SUSD3: variants seen among roughly 807,000 people sequenced by gnomAD.
SUSD3 encodes the protein sushi domain containing 3, also known as sushi domain-containing protein 3.
A neutral mutation model predicts 20.6 loss-of-function variants in SUSD3; 18 were observed. The ratio of observed to expected loss-of-function variants is 0.87; its 90% confidence interval spans 0.60 to 1.30. SUSD3 has a LOEUF of 1.30. Ranked by LOEUF, SUSD3 falls within the 50% of genes most tolerant of loss-of-function variation. SUSD3 has a pLI of 0.00. For missense variants in SUSD3, 306 were observed against 346.9 expected (o/e 0.88, Z 0.94); for synonymous variants, 137 against 141.5 (o/e 0.97, Z 0.23).
At chr9:93,067,706 T>C (rs936671927) in intron 1 of SUSD3, among the ~76,000 whole-genome samples, 1 of 151,852 alleles carries the variant, frequency 6.6e-6, no homozygotes, top group African/African-American at 2.4e-5. Context: ...CAAGTGATAC[T>C]CCTGCCTCAG....
At chr9:93,077,759 C>G in intron 2 of SUSD3, 87 bp from the exon 3 acceptor site, 1 of 1,485,266 alleles carries the variant, frequency 6.7e-7, no homozygotes, top group Non-Finnish European at 9.2e-7. Context: ...CCAGGCCCTA[C>G]CCGTACCACC....
At chr9:93,068,120 A>C (rs1254868727) in intron 1 of SUSD3, among the ~76,000 whole-genome samples, 2 of 152,190 alleles carry the variant, frequency 1.3e-5, no homozygotes, top group African/African-American at 4.8e-5. Flanking sequence ...CTCTTATCAG[A>C]TACATGATTT....
At chr9:93,064,595 C>T (rs1252389521) in intron 1 of SUSD3, among the ~76,000 whole-genome samples, 1 of 152,212 alleles carries the variant, frequency 6.6e-6, no homozygotes, top group African/African-American at 2.4e-5. Context: ...CTTGGTCGAC[C>T]TCAGACATAG....
At position 93,084,760 on chromosome 9, in the gene SUSD3, G is replaced by T. The variant is rs369933817; in HGVS notation, c.*13G>T. On this transcript the variant is annotated 3_prime_UTR_variant, in exon 5 of 5. Coordinates refer to ENST00000375472, the MANE Select transcript of SUSD3 (RefSeq NM_145006.4). ...TGCCCTAGGGTGACCACGCAGTGAG[G>T]CTGGTGCCCATGCTCCACACTGGGA... The T allele has an allele frequency of 1.0e-5, 15 of 1,473,088 alleles. No homozygotes were observed. The South Asian group carries it at 1.2e-4, about 12-fold the overall frequency. 91.3% of individuals were successfully genotyped at this position (1,473,088 alleles called of 1,614,324 possible). A position where few individuals can be genotyped will look rare whatever the true frequency, so the allele number is the denominator to read the frequency against.
At chr9:93,062,665 C>T (rs1005580748) in intron 1 of SUSD3, among the ~76,000 whole-genome samples, 1 of 152,080 alleles carries the variant, frequency 6.6e-6, no homozygotes, top group African/African-American at 2.4e-5. Flanking sequence ...GGATCTGCCT[C>T]TCATGCATCA....
chr9:93,061,360 G>C (rs187935711), intron 1 of SUSD3, among the ~76,000 whole-genome samples: 1 of 152,398 alleles, frequency 6.6e-6, no homozygotes, highest in Admixed American at 6.5e-5. Flanking sequence ...CACACCCTGT[G>C]ATGCCTGGCT....
At position 93,079,581 on chromosome 9, in the gene SUSD3, A is replaced by G; in HGVS notation, c.536A>G (p.His179Arg). The change falls in exon 4 of 5, where the codon CAC (histidine) becomes CGC (arginine). Residue 179 changes from histidine (H) to arginine (R), a missense_variant. His to Arg is a conservative substitution (Grantham distance 29). Coordinates refer to ENST00000375472, the MANE Select transcript of SUSD3 (RefSeq NM_145006.4). The stretch of plus-strand genomic sequence containing the variant: ...CCCGTGAGCGGGCCCAGCCAGGCGC[A>G]CGACAACCACAGCTTCACCACGTGA... ...NKPVSGPSQA[H>R]DNHSFTTDHG... 6.2e-7 allele frequency: 1 copy of G among 1,613,926 alleles called. No homozygotes were observed.
chr9:93,059,262 C>T (rs1368619437), intron 1 of SUSD3, among the ~76,000 whole-genome samples: 1 of 152,164 alleles, frequency 6.6e-6, no homozygotes, highest in Non-Finnish European at 1.5e-5. Context: ...GAGGTGTCAT[C>T]TTCACGATTC....
intron 1 of SUSD3, among the ~76,000 whole-genome samples, chr9:93,063,373 C>T (rs1188165171): frequency 2.0e-5 from 3 of 152,158 alleles, no homozygotes; most frequent in Non-Finnish European, 4.4e-5. Flanking sequence ...CCCAGGCGGG[C>T]AAGTCACCAG....
chr9:93,063,556 T>C (rs918574227), intron 1 of SUSD3, among the ~76,000 whole-genome samples: 2 of 152,172 alleles, frequency 1.3e-5, no homozygotes, highest in South Asian at 4.1e-4. Flanking sequence ...GTGGCTTCTC[T>C]TTCTGTGGCC....
chr9:93,082,988 T>C (rs10992626), intron 4 of SUSD3, among the ~76,000 whole-genome samples: 42,098 of 151,972 alleles, frequency 0.28, 7,609 homozygotes, highest in African/African-American at 0.52. Flanking sequence ...CGGGAACTTG[T>C]GCAGTGTGTG....
At chr9:93,072,998 G>A (rs77231843) in intron 1 of SUSD3, among the ~76,000 whole-genome samples, 9,851 of 152,198 alleles carry the variant, frequency 0.065, 452 homozygotes, top group South Asian at 0.16. Flanking sequence ...CATGGTCCTG[G>A]CTGGAGATGT....
rs143941914 is a variant in SUSD3 at position 93,061,729 on chromosome 9, T to G, written c.88+2899T>G. Among the ~76,000 whole-genome samples, 232 of 152,168 alleles carry G rather than the reference T, an allele frequency of 1.5e-3. 1 individual carries two copies. The highest frequency in any genetic ancestry group is 3.4e-3 in the Middle Eastern group (1 of 294). On this transcript the variant is annotated intron_variant, in intron 1 of 4. Transcript: ENST00000375472. Reference sequence around the variant, plus strand: ...TTGGGGGTCCTGTTCTCAAAGCACCTCTGTGTGCAAAAGTCACCCCCTTTA... The same window carrying G: ...TTGGGGGTCCTGTTCTCAAAGCACCGCTGTGTGCAAAAGTCACCCCCTTTA...
chr9:93,064,835 A>G (rs1204148331), intron 1 of SUSD3, among the ~76,000 whole-genome samples: 1 of 152,210 alleles, frequency 6.6e-6, no homozygotes, highest in African/African-American at 2.4e-5. Flanking sequence ...AGGGTGGAGA[A>G]GTGACTGGGG....
intron 4 of SUSD3, among the ~76,000 whole-genome samples, chr9:93,083,744 A>G (rs1293002658): frequency 6.6e-6 from 1 of 152,168 alleles, no homozygotes; most frequent in African/African-American, 2.4e-5. Context: ...CTCATTGCAT[A>G]AGCAGATCAT....
At chr9:93,076,593 CAG>C (rs2118978933) in intron 2 of SUSD3, among the ~76,000 whole-genome samples, 1 of 152,328 alleles carries the variant, frequency 6.6e-6, no homozygotes, top group East Asian at 1.9e-4. Flanking sequence ...AAAAAGGGCT[CAG>C]AGTCAAAATA....
intron 2 of SUSD3, 31 bp downstream of exon 2, chr9:93,076,003 T>G: frequency 6.5e-7 from 1 of 1,546,496 alleles, no homozygotes; most frequent in Non-Finnish European, 8.8e-7. Flanking sequence ...TCGGTGGCTC[T>G]GGGGGTGGGG....
chr9:93,071,794 C>T (rs1296884972), intron 1 of SUSD3, among the ~76,000 whole-genome samples: 1 of 152,156 alleles, frequency 6.6e-6, no homozygotes, highest in African/African-American at 2.4e-5. Context: ...CAGTGGTGAT[C>T]ACATTTCCAG....
In SUSD3 at chr9:93,084,060, C is replaced by T. The variant is rs371218881; in HGVS notation, c.558-477C>T. Among the ~76,000 whole-genome samples, 15 of 152,194 alleles carry T rather than the reference C, an allele frequency of 9.9e-5. No individual in the cohort carries two copies. The East Asian group carries it at 2.7e-3, about 27-fold the overall frequency. On this transcript the variant is annotated intron_variant, in intron 4 of 4. Coordinates refer to ENST00000375472, the MANE Select transcript of SUSD3 (RefSeq NM_145006.4). ...TTGTATCTGGGGGAGTAGAGAGCCA[C>T]AAGAGTACTGAGGGTGGAGCAGGTG...
Sources: allele counts gnomAD v4.1 joint callset (sites outside exome capture counted in the v4.1 genomes callset), GRCh38; gene constraint gnomAD v4.1.1; transcripts MANE v1.5; gene names NCBI Gene and HGNC (gene_info 2026-07-23, HGNC 2026-07-21).